Variants in ARFIP1 observed in about 807,000 individuals in gnomAD.
ARFIP1 encodes ARF interacting protein 1, also known as arfaptin-1.
A neutral mutation model predicts 42.5 loss-of-function variants in ARFIP1; 24 were observed. The ratio of observed to expected loss-of-function variants is 0.57; its 90% CI spans 0.41 to 0.80. ARFIP1 has a LOEUF of 0.80. Ranked by LOEUF, ARFIP1 falls within the 30% of genes least tolerant of loss-of-function variation. The pLI is 0.00. For synonymous variants in ARFIP1, 141 were observed against 153.7 expected, an observed-to-expected ratio of 0.92 and a Z score of 0.61; for missense variants, 354 against 434.0, an observed-to-expected ratio of 0.82 and a Z score of 1.64.
chr4:152,803,969 CAT>C (rs1051045681), intron 1 of ARFIP1, among the ~76,000 whole-genome samples: 9 of 113,512 alleles, frequency 7.9e-5, no homozygotes, highest in African/African-American at 2.7e-4. Flanking sequence ...ATATATATAA[CAT>C]GTATTATATA....
chr4:152,784,411 C>A (rs1439398012), intron 1 of ARFIP1, among the ~76,000 whole-genome samples: 1 of 152,198 alleles, frequency 6.6e-6, no homozygotes, highest in African/African-American at 2.4e-5. Context: ...ATCTCTCATT[C>A]CATTCTCCTC....
At chr4:152,805,461 A>C (rs1455738170) in intron 1 of ARFIP1, among the ~76,000 whole-genome samples, 26 of 152,216 alleles carry the variant, frequency 1.7e-4, no homozygotes, top group Admixed American at 1.7e-3. Flanking sequence ...GGCAGTTTGC[A>C]CTGCCAATAC....
Position 152,823,098 on chromosome 4 carries a change from A to G in ARFIP1, c.-9-6527A>G, listed in dbSNP as rs1415151003. Reference sequence around the variant, plus strand: ...AACAAAAAAATACAAAATATCAGTGAAAAAAAAGCTGGTTCTTTGAAAAGA... The same window carrying G: ...AACAAAAAAATACAAAATATCAGTGGAAAAAAAGCTGGTTCTTTGAAAAGA... On this transcript the variant is annotated intron_variant, in intron 1 of 8. Coordinates refer to ENST00000353617, the MANE Select transcript of ARFIP1 (RefSeq NM_001025595.3). Among the ~76,000 whole-genome samples, 6 of 152,198 alleles carry G rather than the reference A, an allele frequency of 3.9e-5. No individual in the cohort carries two copies. In the South Asian group the frequency reaches 6.2e-4, roughly 16 times the overall value.
chr4:152,892,125 T>A (rs1264349278), intron 8 of ARFIP1, among the ~76,000 whole-genome samples: 1 of 152,084 alleles, frequency 6.6e-6, no homozygotes, highest in Non-Finnish European at 1.5e-5. Context: ...CAGGTTAGAT[T>A]TGAACTTCTG....
chr4:152,795,795 C>T (rs1010321138), intron 1 of ARFIP1, among the ~76,000 whole-genome samples: 3 of 89,106 alleles, frequency 3.4e-5, no homozygotes, highest in Non-Finnish European at 4.5e-5. Flanking sequence ...TGAATTTGAG[C>T]GATTGTTACT....
chr4:152,823,677 T>G (rs1730570483), intron 1 of ARFIP1, among the ~76,000 whole-genome samples: 1 of 144,850 alleles, frequency 6.9e-6, no homozygotes, highest in Non-Finnish European at 1.5e-5. Flanking sequence ...CTTGGGAGGC[T>G]GAGGCAGGAG....
rs183023464 is a variant in ARFIP1 at position 152,873,354 on chromosome 4, T to C, written c.411+790T>C. Among the ~76,000 whole-genome samples the C allele has an allele frequency of 1.1e-4, 16 of 152,296 alleles. No individual in the cohort carries two copies. In the East Asian group the frequency reaches 3.1e-3, roughly 29 times the overall value. On this transcript the variant is annotated intron_variant, in intron 5 of 8. Transcript: ENST00000353617. The stretch of plus-strand genomic sequence containing the variant: ...GGCCTTTCTTACATCTTCTCAACAG[T>C]AAAACAGAAGTGAATTTATTCTTTC...
intron 2 of ARFIP1, among the ~76,000 whole-genome samples, chr4:152,843,092 T>C (rs1732229363): frequency 6.6e-6 from 1 of 152,168 alleles, no homozygotes; most frequent in African/African-American, 2.4e-5. Flanking sequence ...GTTCAGATTT[T>C]TTTTGTCCTA....
At chr4:152,893,368 A>G (rs781259018) in intron 8 of ARFIP1, among the ~76,000 whole-genome samples, 9 of 152,190 alleles carry the variant, frequency 5.9e-5, no homozygotes, top group Non-Finnish European at 1.3e-4. Flanking sequence ...AGAGGAGGCA[A>G]AAAGTTAAAG....
At chr4:152,866,700 C>CG (rs958627234) in intron 3 of ARFIP1, among the ~76,000 whole-genome samples, 1 of 151,438 alleles carries the variant, frequency 6.6e-6, no homozygotes, top group African/African-American at 2.4e-5. Flanking sequence ...ACTTCCCAGA[C>CG]GGGGTGGCTG....
intron 8 of ARFIP1, among the ~76,000 whole-genome samples, chr4:152,900,490 T>G (rs1265450669): frequency 6.6e-6 from 1 of 152,190 alleles, no homozygotes; most frequent in Non-Finnish European, 1.5e-5. Flanking sequence ...AAACCTATTT[T>G]TCTACCCCAC....
chr4:152,808,288 T>TTTTTTTTTTTTTTTTG (rs1447644937), intron 1 of ARFIP1, among the ~76,000 whole-genome samples: 1 of 86,914 alleles, frequency 1.2e-5, no homozygotes, highest in East Asian at 3.6e-4. Context: ...CCTCCATTTT[T>TTTTTTTTTTTTTTTTG]TTTTTTTTTT....
intron 1 of ARFIP1, among the ~76,000 whole-genome samples, chr4:152,787,113 A>G (rs1301049193): frequency 1.3e-5 from 2 of 152,156 alleles, no homozygotes; most frequent in East Asian, 1.9e-4. Flanking sequence ...TTTTTGGCTC[A>G]TTTTTGAATC....
At chr4:152,804,950 T>C (rs1728886425) in intron 1 of ARFIP1, among the ~76,000 whole-genome samples, 1 of 152,136 alleles carries the variant, frequency 6.6e-6, no homozygotes, top group African/African-American at 2.4e-5. Context: ...ATCTGTAAGA[T>C]TGGGAAAATC....
At chr4:152,846,440 A>G (rs1313363187) in intron 2 of ARFIP1, among the ~76,000 whole-genome samples, 1 of 152,220 alleles carries the variant, frequency 6.6e-6, no homozygotes, top group Non-Finnish European at 1.5e-5. Flanking sequence ...TTGAATTAAA[A>G]TAAAACTCAG....
At chr4:152,831,056 A>G (rs1381228453) in intron 2 of ARFIP1, among the ~76,000 whole-genome samples, 1 of 152,190 alleles carries the variant, frequency 6.6e-6, no homozygotes, top group African/African-American at 2.4e-5. Context: ...GAGCACACAA[A>G]AGAAATTTTC....
intron 1 of ARFIP1, among the ~76,000 whole-genome samples, chr4:152,781,280 G>T (rs1730479458): frequency 7.3e-6 from 1 of 136,436 alleles, no homozygotes; most frequent in African/African-American, 2.7e-5. Context: ...CTGTCGCCCA[G>T]GCTGGAGTGC....
intron 1 of ARFIP1, chr4:152,807,359 A>G (rs1258030419): frequency 6.6e-6 from 1 of 152,234 alleles, no homozygotes; most frequent in Non-Finnish European, 1.5e-5. Flanking sequence ...ACAGTTGTCC[A>G]AAGTGAAGTA....
chr4:152,832,589 A>C (rs1731338496), intron 2 of ARFIP1, among the ~76,000 whole-genome samples: 1 of 152,186 alleles, frequency 6.6e-6, no homozygotes, highest in Admixed American at 6.5e-5. Flanking sequence ...ATTTTAATGA[A>C]GTCCAATTTC....
Sources: gnomAD v4.1 joint callset for allele counts (sites outside exome capture counted in the v4.1 genomes callset) on GRCh38, gnomAD v4.1.1 for gene constraint, MANE v1.5 for transcripts, NCBI Gene and HGNC (gene_info 2026-07-23, HGNC 2026-07-21) for gene names.